The following FRMPD4 variants were observed in gnomAD, a reference collection of about 807,000 sequenced individuals.
FRMPD4 encodes FERM and PDZ domain containing 4.
Under a neutral mutation model 94.1 loss-of-function variants are expected in FRMPD4, and 22 were observed. That is an observed-to-expected ratio of 0.23 (90% CI 0.17 to 0.33). The LOEUF (loss-of-function observed/expected upper bound fraction) is 0.33, where lower values mean the gene tolerates loss of function less well. Ranked by LOEUF, FRMPD4 falls within the 10% of genes least tolerant of loss-of-function variation. The pLI, the probability that FRMPD4 is intolerant of heterozygous loss-of-function variation, is 1.00. For synonymous variants in FRMPD4, 631 were observed against 548.6 expected, an observed-to-expected ratio of 1.15 and a Z score of -2.10; for missense variants, 1,111 against 1,339.9, an observed-to-expected ratio of 0.83 and a Z score of 2.67.
chrX:12,351,573 A>G (rs1424275922), intron 1 of FRMPD4, among the ~76,000 whole-genome samples: 1 of 112,621 alleles, frequency 8.9e-6, no homozygotes, highest in Non-Finnish European at 1.9e-5. Flanking sequence ...GAATTTTCAT[A>G]AAGTAAGCAC....
Position 11,929,170 on chromosome X carries a change from G to C in FRMPD4, c.95+51152G>C, listed in dbSNP as rs767061610. On this transcript the variant is annotated intron_variant, in intron 3 of 18. Coordinates refer to the FRMPD4 transcript ENST00000640291. ...TAGTGGGTACTAGGCTTAATACCTG[G>C]GTGATGGAATAATCTGTACAACAAA... is the stretch of plus-strand genomic sequence containing the variant. 5.4e-5 allele frequency among the ~76,000 whole-genome samples: 6 copies of C among 111,792 alleles called. No individual in the cohort carries two copies. The Admixed American group carries it at 5.7e-4, about 11-fold the overall frequency.
chrX:11,833,778 G>A (rs1419786286), intron 1 of FRMPD4, among the ~76,000 whole-genome samples: 4 of 111,726 alleles, frequency 3.6e-5, no homozygotes, highest in Non-Finnish European at 5.6e-5. Context: ...TTGGGTTGGA[G>A]CATGTGATTG....
chrX:12,203,683 A>C (rs1256905557), intron 1 of FRMPD4, among the ~76,000 whole-genome samples: 2 of 112,697 alleles, frequency 1.8e-5, no homozygotes, highest in Non-Finnish European at 3.7e-5. Flanking sequence ...CTTCAAAACA[A>C]AAACAAAAGC....
chrX:12,626,551 T>C (rs1653109938), intron 4 of FRMPD4, among the ~76,000 whole-genome samples: 1 of 101,733 alleles, frequency 9.8e-6, no homozygotes, highest in African/African-American at 3.6e-5. Flanking sequence ...GCACATTAAG[T>C]TTTTCTTACT....
intron 5 of FRMPD4, among the ~76,000 whole-genome samples, chrX:12,682,672 T>C (rs1040104958): frequency 1.8e-5 from 2 of 112,140 alleles, no homozygotes; most frequent in African/African-American, 6.5e-5. Flanking sequence ...AAAGTGACTT[T>C]ACCAAGATCA....
intron 1 of FRMPD4, among the ~76,000 whole-genome samples, chrX:12,385,817 A>G (rs751254043): frequency 8.9e-6 from 1 of 112,602 alleles, no homozygotes; most frequent in South Asian, 3.7e-4. Flanking sequence ...ACCTTAACCC[A>G]CAAATAAAGC....
intron 3 of FRMPD4, among the ~76,000 whole-genome samples, chrX:11,992,552 A>G (rs1372827691): frequency 2.7e-5 from 3 of 111,573 alleles, no homozygotes. Context: ...TTTGAATTCC[A>G]CTGCCTTTAG....
intron 3 of FRMPD4, among the ~76,000 whole-genome samples, chrX:12,054,315 C>T (rs767606337): frequency 1.8e-5 from 2 of 110,949 alleles, no homozygotes; most frequent in Non-Finnish European, 3.8e-5. Context: ...TTTGCAGATC[C>T]ACAGATAATG....
At chrX:12,405,055 A>G (rs1290695069) in intron 1 of FRMPD4, among the ~76,000 whole-genome samples, 1 of 111,815 alleles carries the variant, frequency 8.9e-6, no homozygotes, top group Non-Finnish European at 1.9e-5. Context: ...ACTGATGCTC[A>G]GGCCCCACCC....
intron 1 of FRMPD4, among the ~76,000 whole-genome samples, chrX:12,415,808 A>G (rs1210746895): frequency 8.9e-6 from 1 of 112,300 alleles, no homozygotes; most frequent in Admixed American, 9.4e-5. Context: ...TCCTGAGAAT[A>G]GTGTATTCTT....
intron 1 of FRMPD4, among the ~76,000 whole-genome samples, chrX:11,853,487 G>A (rs1393911785): frequency 1.8e-5 from 2 of 110,649 alleles, no homozygotes; most frequent in Non-Finnish European, 3.8e-5. Context: ...TTGCTAACTA[G>A]ACAAATGAAG....
chrX:12,695,247 T>C (rs1214326017), intron 9 of FRMPD4, among the ~76,000 whole-genome samples: 1 of 111,836 alleles, frequency 8.9e-6, no homozygotes, highest in East Asian at 2.8e-4. Context: ...GTGTAACACA[T>C]CAAGAGGCAC....
intron 3 of FRMPD4, among the ~76,000 whole-genome samples, chrX:11,916,488 T>G (rs2054025740): frequency 9.2e-6 from 1 of 109,227 alleles, no homozygotes; most frequent in Admixed American, 9.8e-5. Context: ...AGTGTGGAGG[T>G]GGAAGGGAGA....
chrX:12,340,390 CCAG>C (rs955693147), intron 1 of FRMPD4, among the ~76,000 whole-genome samples: 1 of 111,473 alleles, frequency 9.0e-6, no homozygotes, highest in African/African-American at 3.3e-5. Flanking sequence ...GAGAGAAAAA[CCAG>C]CCTAGGAAGA....
intron 1 of FRMPD4, among the ~76,000 whole-genome samples, chrX:12,158,628 T>G (rs759220577): frequency 2.7e-5 from 3 of 112,175 alleles, no homozygotes; most frequent in Non-Finnish European, 5.6e-5. Context: ...CATATAGATG[T>G]GTCTTTTTTT....
At chrX:12,252,017 C>T (rs190153456) in intron 1 of FRMPD4, among the ~76,000 whole-genome samples, 1 of 112,270 alleles carries the variant, frequency 8.9e-6, no homozygotes, top group East Asian at 2.8e-4. Flanking sequence ...CATAGTAAAT[C>T]CTCAATAAAT....
intron 7 of FRMPD4, among the ~76,000 whole-genome samples, chrX:12,688,611 ACT>A (rs1034761925): frequency 3.2e-4 from 36 of 111,183 alleles, no homozygotes; most frequent in Admixed American, 5.8e-4. Flanking sequence ...ATAGGGAAAA[ACT>A]CTTGCTATTG....
At chrX:12,509,557 G>A (rs1348445117) in intron 2 of FRMPD4, among the ~76,000 whole-genome samples, 1 of 111,452 alleles carries the variant, frequency 9.0e-6, no homozygotes, top group Non-Finnish European at 1.9e-5. Flanking sequence ...GCATAAAAAT[G>A]ACACAATGGA....
chrX:12,298,242 G>A (rs1044798155), intron 1 of FRMPD4, among the ~76,000 whole-genome samples: 1 of 112,282 alleles, frequency 8.9e-6, no homozygotes, highest in African/African-American at 3.2e-5. Flanking sequence ...AGCTAAGGGT[G>A]CTAATAAGTG....
Sources: allele counts gnomAD v4.1 joint callset (sites outside exome capture counted in the v4.1 genomes callset), GRCh38; gene constraint gnomAD v4.1.1; transcripts MANE v1.5; gene names NCBI Gene and HGNC (gene_info 2026-07-23, HGNC 2026-07-21).